The following CDCA7L variants were observed in gnomAD, a reference collection of about 807,000 sequenced individuals.
The protein encoded by CDCA7L is cell division cycle-associated 7-like protein.
Under a neutral mutation model 57.4 loss-of-function variants are expected in CDCA7L, and 44 were observed. The observed-to-expected ratio is 0.77, with a 90% CI of 0.60 to 0.98. The LOEUF (loss-of-function observed/expected upper bound fraction) is 0.98, where lower values mean the gene tolerates loss of function less well. Ranked by LOEUF, CDCA7L falls within the 50% of genes least tolerant of loss-of-function variation. The pLI, the probability that CDCA7L is intolerant of heterozygous loss-of-function variation, is 0.00. For missense variants in CDCA7L, 644 were observed against 580.6 expected, an observed-to-expected ratio of 1.11 and a Z score of -1.12; for synonymous variants, 236 against 202.8, an observed-to-expected ratio of 1.16 and a Z score of -1.39.
At position 21,911,471 on chromosome 7, in the gene CDCA7L, A is replaced by AT. The variant is rs1422386138; in HGVS notation, c.303+145dup. 6.1e-6 allele frequency: 6 copies of AT among 987,420 alleles called. No homozygotes were observed. The South Asian group carries it at 7.6e-5, about 12-fold the overall frequency. 61.2% of individuals were successfully genotyped at this position (987,420 alleles called of 1,614,324 possible). ...ACCAGGGATTAGCCTTCCAGGAGCA[A>AT]TTTTTTTAGGTTATGTTAATTGCTT... On this transcript the variant is annotated intron_variant, in intron 3 of 9. Transcript: ENST00000406877.
intron 4 of CDCA7L, among the ~76,000 whole-genome samples, chr7:21,907,154 T>C (rs10238537): frequency 0.58 from 87,512 of 152,016 alleles, 25,321 homozygotes; most frequent in Middle Eastern, 0.68. Flanking sequence ...TACCAAATAA[T>C]AGGCATTAAT....
intron 2 of CDCA7L, among the ~76,000 whole-genome samples, chr7:21,915,952 G>A (rs1182316757): frequency 1.3e-5 from 2 of 152,104 alleles, no homozygotes; most frequent in South Asian, 2.1e-4. Flanking sequence ...AGATGAGGAC[G>A]ACAGAGACCA....
chr7:21,903,416 A>C (rs931343344), intron 8 of CDCA7L, among the ~76,000 whole-genome samples: 1 of 152,210 alleles, frequency 6.6e-6, no homozygotes, highest in Non-Finnish European at 1.5e-5. Context: ...CCAGGATGTC[A>C]GCCCTGGTTT....
At chr7:21,919,754 T>C (rs995473555) in intron 1 of CDCA7L, among the ~76,000 whole-genome samples, 1 of 152,128 alleles carries the variant, frequency 6.6e-6, no homozygotes, top group African/African-American at 2.4e-5. Flanking sequence ...TGTGGTGCTC[T>C]ATCTACAATA....
rs949363780 is a variant in CDCA7L, at chr7:21,905,609, C to T, written c.944G>A (p.Arg315Gln). ...TIGGKCREYR[R>Q]RHRISSFRPV... ...CCGAAAAGAAGATATACGGTGACGT[C>T]GTCTGTACTCCCGGCATTTCCCCTG... The change falls in exon 7 of 10, where the codon CGA becomes CAA. Residue 315 changes from arginine to glutamine, a missense_variant. Arg to Gln is a conservative substitution (Grantham distance 43). Transcript: ENST00000406877. The T allele has an allele frequency of 1.3e-5, 21 of 1,613,920 alleles. No homozygotes were observed. Among genetic ancestry groups the T allele is most frequent in the Admixed American group, 1.7e-5 (1 of 60,016 alleles).
rs201829504 is a variant in CDCA7L, at chr7:21,903,097, G to C, written c.1215C>G (p.Pro405=). The change falls in exon 9 of 10, where the codon CCC becomes CCG. Residue 405 remains proline, a synonymous_variant. Transcript: ENST00000406877. The part of the protein sequence containing the change: ...ALLDPDWVCP[P]CRGICNCSYC... Reference sequence around the variant, plus strand: ...AGCTGCAATTGCAGATCCCACGACAGGGGGGACACACCCAATCCTAACAGA... The same window carrying C: ...AGCTGCAATTGCAGATCCCACGACACGGGGGACACACCCAATCCTAACAGA... 5.0e-6 allele frequency: 8 copies of C among 1,613,494 alleles called. No individual in the cohort carries two copies. The highest frequency in any genetic ancestry group is 5.9e-6 in the Non-Finnish European group (7 of 1,179,740).
rs148094447 is a variant in CDCA7L, at chr7:21,934,573, C to A, written c.24+11208G>T. On this transcript the variant is annotated intron_variant, in intron 1 of 9. Coordinates refer to ENST00000406877, the MANE Select transcript of CDCA7L (RefSeq NM_018719.5). ...ATCACAAGATTAAGTAATTCCCCAC[C>A]AGTAATTACTTTAAATTTAAATGTG... Among the ~76,000 whole-genome samples, 150 of 152,246 alleles carry A rather than the reference C, an allele frequency of 9.9e-4. 1 individual carries two copies. The highest frequency in any genetic ancestry group is 3.6e-3 in the African/African-American group (149 of 41,554).
chr7:21,902,629 A>ACTCT, intron 9 of CDCA7L: 1 of 525,926 alleles, frequency 1.9e-6, no homozygotes. Flanking sequence ...CTTGCCCTGA[A>ACTCT]CTCTCTCTCT....
intron 1 of CDCA7L, among the ~76,000 whole-genome samples, chr7:21,923,755 T>C (rs919789662): frequency 5.3e-5 from 8 of 152,228 alleles, no homozygotes; most frequent in South Asian, 2.1e-4. Context: ...AGTTAACTGA[T>C]AGTCTGGAGG....
rs1216231883 is a variant in CDCA7L at position 21,904,083 on chromosome 7, T to TACAACAAATGCAAACACTGTTCCTA, written c.1197+2_1197+26dup. The TACAACAAATGCAAACACTGTTCCTA allele has an allele frequency of 9.7e-6, 15 of 1,549,314 alleles. No homozygotes were observed. In the East Asian group the frequency reaches 3.5e-4, roughly 36 times the overall value. Reference sequence around the variant, plus strand: ...GCTTGCTTCCTTCACCAATACAATTTACAACAAATGCAAACACTGTTCCTA... The same window carrying TACAACAAATGCAAACACTGTTCCTA: ...GCTTGCTTCCTTCACCAATACAATTTACAACAAATGCAAACACTGTTCCTAACAACAAATGCAAACACTGTTCCTA... On this transcript the variant is annotated intron_variant, in intron 8 of 9. Transcript: ENST00000406877.
At position 21,903,110 on chromosome 7, in the gene CDCA7L, C is replaced by CAATCCTAACAGAGAGATGA; in HGVS notation, c.1198-15_1201dup (p.Trp401PhefsTer25). 6.2e-7 allele frequency: 1 copy of CAATCCTAACAGAGAGATGA among 1,613,352 alleles called. No individual in the cohort carries two copies. The highest frequency in any genetic ancestry group is 1.3e-5 in the African/African-American group (1 of 75,032). ...GATCCCACGACAGGGGGGACACACC[C>CAATCCTAACAGAGAGATGA]AATCCTAACAGAGAGATGACAGCAG... On this transcript the variant is annotated frameshift_variant, in exon 9 of 10. Transcript: ENST00000406877. LOFTEE classifies it high-confidence loss of function.
Position 21,908,509 on chromosome 7 carries a change from TAATAA to T in CDCA7L, c.304-7_304-3del, listed in dbSNP as rs765943506. 24 of 1,505,746 alleles carry T rather than the reference TAATAA, an allele frequency of 1.6e-5. No homozygotes were observed. Among genetic ancestry groups the T allele is most frequent in the Middle Eastern group, 1.8e-4 (1 of 5,574 alleles). The allele number at this position is 1,505,746 out of a possible 1,614,324, so 93.3% of individuals were successfully genotyped here. A position where few individuals can be genotyped will look rare whatever the true frequency, so the allele number is the denominator to read the frequency against. On this transcript the variant is annotated splice_polypyrimidine_tract_variant and splice_region_variant and intron_variant, in intron 3 of 9. Coordinates refer to ENST00000406877, the MANE Select transcript of CDCA7L (RefSeq NM_018719.5). ...ATCACTCAAATCTGACTCCACGACC[TAATAA>T]AATAAGAGCAAGAAAAAGCACAAAG...
chr7:21,902,795 C>CCCTAATAGGGAAAATA, intron 9 of CDCA7L, 183 bp downstream of exon 9: 1 of 586,888 alleles, frequency 1.7e-6, no homozygotes, highest in Non-Finnish European at 2.9e-6. Context: ...GGAGAAGATT[C>CCCTAATAGGGAAAATA]CCTAATAGGG....
At chr7:21,917,504 T>C (rs1785521557) in intron 1 of CDCA7L, among the ~76,000 whole-genome samples, 1 of 152,236 alleles carries the variant, frequency 6.6e-6, no homozygotes. Context: ...CACAAATATG[T>C]ATCTGCTGGA....
At chr7:21,915,070 A>G (rs559202013) in intron 2 of CDCA7L, among the ~76,000 whole-genome samples, 5 of 152,158 alleles carry the variant, frequency 3.3e-5, no homozygotes, top group Non-Finnish European at 7.4e-5. Flanking sequence ...GGTCAATCCT[A>G]TAACAGATCC....
At chr7:21,939,399 G>T (rs907101081) in intron 1 of CDCA7L, among the ~76,000 whole-genome samples, 1 of 152,152 alleles carries the variant, frequency 6.6e-6, no homozygotes. Flanking sequence ...TAAAAGAGAA[G>T]AAATAAATGG....
chr7:21,918,757 C>G (rs1385697225), intron 1 of CDCA7L, among the ~76,000 whole-genome samples: 3 of 152,128 alleles, frequency 2.0e-5, no homozygotes, highest in Non-Finnish European at 4.4e-5. Flanking sequence ...CTGGCTGTCT[C>G]TTTTTTTAGT....
Position 21,908,184 on chromosome 7 carries a change from C to T in CDCA7L, c.627G>A (p.Glu209=), listed in dbSNP as rs770128778. Residue 209 remains glutamate (E), a synonymous_variant, in exon 4 of 10, where the codon GAG becomes GAA. Coordinates refer to ENST00000406877, the MANE Select transcript of CDCA7L (RefSeq NM_018719.5). ...SEDDSRDESQ[E]SSDALLKRTM... is the part of the protein sequence containing the mutation. ...TCCTTTTCAGCAAAGCATCTGAACT[C>T]TCCTGGCTCTCATCCCGAGAGTCAT... 5 of 1,605,666 alleles carry T rather than the reference C, an allele frequency of 3.1e-6. No individual in the cohort carries two copies. The East Asian group carries it at 8.9e-5, about 29-fold the overall frequency.
chr7:21,907,140 A>G (rs1785167354), intron 4 of CDCA7L, among the ~76,000 whole-genome samples: 1 of 150,866 alleles, frequency 6.6e-6, no homozygotes, highest in Non-Finnish European at 1.5e-5. Context: ...ACGTGAACTA[A>G]TAATACCAAA....
Sources: allele counts gnomAD v4.1 joint callset (sites outside exome capture counted in the v4.1 genomes callset), GRCh38; gene constraint gnomAD v4.1.1; transcripts MANE v1.5; gene names NCBI Gene and HGNC (gene_info 2026-07-23, HGNC 2026-07-21).